The following IRGM variants were observed in gnomAD, a reference collection of about 807,000 sequenced individuals.
The protein encoded by IRGM is immunity related GTPase M.
For synonymous variants in IRGM, 98 were observed against 80.6 expected (o/e 1.22, Z -1.16); for missense variants, 288 against 219.9 (o/e 1.31, Z -1.96).
downstream of IRGM, among the ~76,000 whole-genome samples, chr5:150,850,809 G>T (rs1265197730): frequency 1.3e-5 from 2 of 152,118 alleles, no homozygotes; most frequent in African/African-American, 4.8e-5. Context: ...TAGTGAGAGC[G>T]AGCCATGAGT....
intron 1 of IRGM, among the ~76,000 whole-genome samples, chr5:150,869,342 G>A (rs983863748): frequency 2.6e-5 from 4 of 152,084 alleles, no homozygotes; most frequent in East Asian, 1.9e-4. Flanking sequence ...TTTGATCATG[G>A]TGGATTATCT....
At chr5:150,879,093 A>G (rs987614697) in intron 2 of IRGM, among the ~76,000 whole-genome samples, 11 of 152,214 alleles carry the variant, frequency 7.2e-5, no homozygotes, top group African/African-American at 1.9e-4. Context: ...AAAAATGTTC[A>G]TATCAGTAAG....
At position 150,848,595 on chromosome 5, in the gene IRGM, C is replaced by T. The variant is rs1225361140; in HGVS notation, c.472C>T (p.Pro158Ser). The T allele has an allele frequency of 1.3e-6, 2 of 1,551,304 alleles. No individual in the cohort carries two copies. Among genetic ancestry groups the T allele is most frequent in the African/African-American group, 2.7e-5 (2 of 73,052 alleles). The change falls in exon 2 of 2, where the codon CCA becomes TCA. Residue 158 changes from proline to serine, a missense_variant. By Grantham distance (74) the Pro-to-Ser change is moderately conservative. Coordinates refer to ENST00000522154, the MANE Select transcript of IRGM (RefSeq NM_001145805.2). ...CATGGACCTCAGCACAGGTGCCCTC[C>T]CAGAAGTGCAGCTACTGCAGATCAG... ...LDMDLSTGALPEVQLLQIREN... is the reference protein window; with the variant it reads ...LDMDLSTGALSEVQLLQIREN...
At position 150,847,011 on chromosome 5, in the gene IRGM, T is replaced by C. The variant is rs1753873801; in HGVS notation, c.-625T>C. 1 of 152,282 alleles carries C rather than the reference T, an allele frequency of 6.6e-6. No homozygotes were observed. Among genetic ancestry groups the C allele is most frequent in the South Asian group, 2.1e-4 (1 of 4,808 alleles). The allele number at this position is 152,282 out of a possible 1,614,324, so 9.4% of individuals were successfully genotyped here. Reference sequence around the variant, plus strand: ...CCTTGTGGAACCTGCAAGAGCCAGGTTTGGCGAATGCAATGATAAGCAATT... The same window carrying C: ...CCTTGTGGAACCTGCAAGAGCCAGGCTTGGCGAATGCAATGATAAGCAATT... On this transcript the variant is annotated 5_prime_UTR_variant, in exon 1 of 2. Transcript: ENST00000522154.
intron 2 of IRGM, chr5:150,878,234 A>G (rs1754393991): frequency 6.0e-6 from 2 of 331,444 alleles, no homozygotes; most frequent in African/African-American, 2.2e-5. Flanking sequence ...GAGTACAAAT[A>G]GTGATCCCAA....
At chr5:150,895,435 C>A in intron 3 of IRGM, 1 of 1,599,844 alleles carries the variant, frequency 6.3e-7, no homozygotes, top group Non-Finnish European at 8.5e-7. Context: ...TATGATTTTA[C>A]CACTGTGTGA....
At chr5:150,876,962 A>C (rs1754373860) in intron 1 of IRGM, among the ~76,000 whole-genome samples, 1 of 141,508 alleles carries the variant, frequency 7.1e-6, no homozygotes, top group Non-Finnish European at 1.5e-5. Context: ...TTCATCATAT[A>C]AGATTTATTG....
At chr5:150,859,410 A>C (rs9799903) in intron 1 of IRGM, among the ~76,000 whole-genome samples, 31,996 of 152,074 alleles carry the variant, frequency 0.21, 4,475 homozygotes, top group East Asian at 0.61. Flanking sequence ...TGTCTCTGCC[A>C]GGCTTTGGTA....
intron 1 of IRGM, among the ~76,000 whole-genome samples, chr5:150,855,192 T>C (rs1003834709): frequency 2.6e-5 from 4 of 152,222 alleles, no homozygotes; most frequent in Non-Finnish European, 5.9e-5. Flanking sequence ...ATTCTCCTAC[T>C]TGGTGTAGCT....
At chr5:150,859,725 A>G (rs62380621) in intron 1 of IRGM, among the ~76,000 whole-genome samples, 1 of 151,996 alleles carries the variant, frequency 6.6e-6, no homozygotes, top group African/African-American at 2.4e-5. Flanking sequence ...AGAGGTGTTT[A>G]TAGTATTCTC....
At chr5:150,861,272 T>G (rs1442507056) in intron 1 of IRGM, among the ~76,000 whole-genome samples, 9 of 152,100 alleles carry the variant, frequency 5.9e-5, no homozygotes, top group Admixed American at 5.9e-4. Flanking sequence ...ATGTAGCCTC[T>G]CCAAGTGGCT....
chr5:150,878,079 C>T (rs894043381), exon 2 of IRGM: 1 of 461,128 alleles, frequency 2.2e-6, no homozygotes, highest in Non-Finnish European at 4.3e-6. Context: ...TACAGATCAG[C>T]TCCGCAAGCC....
At chr5:150,894,093 G>C (rs985591709) in intron 3 of IRGM, among the ~76,000 whole-genome samples, 1 of 152,016 alleles carries the variant, frequency 6.6e-6, no homozygotes, top group Non-Finnish European at 1.5e-5. Flanking sequence ...AGCAGGAAGG[G>C]GATCAAGTGG....
intron 3 of IRGM, among the ~76,000 whole-genome samples, chr5:150,892,154 A>G (rs1036335385): frequency 6.6e-6 from 1 of 152,216 alleles, no homozygotes; most frequent in East Asian, 1.9e-4. Context: ...ACACTAAAAC[A>G]TAAGGATTAA....
At chr5:150,901,623 T>C (rs1470349731), downstream of IRGM, among the ~76,000 whole-genome samples, 5 of 152,122 alleles carry the variant, frequency 3.3e-5, no homozygotes, top group Admixed American at 3.3e-4. Context: ...TTTCAAGATT[T>C]CACAACGATA....
intron 1 of IRGM, among the ~76,000 whole-genome samples, chr5:150,858,962 T>C (rs1306130698): frequency 6.6e-6 from 1 of 152,158 alleles, no homozygotes; most frequent in Non-Finnish European, 1.5e-5. Flanking sequence ...TCCAACACTA[T>C]GTTGAATAGG....
chr5:150,877,553 C>T (rs906850451), intron 1 of IRGM, among the ~76,000 whole-genome samples: 7 of 152,208 alleles, frequency 4.6e-5, no homozygotes, highest in African/African-American at 1.7e-4. Context: ...AATGAACTCC[C>T]CTTTATATAT....
downstream of IRGM, chr5:150,848,814 T>A: frequency 1.6e-6 from 1 of 642,342 alleles, no homozygotes; most frequent in South Asian, 2.1e-5. Context: ...TGTTGTTCTT[T>A]GAGATCTTTT....
intron 3 of IRGM, among the ~76,000 whole-genome samples, chr5:150,891,730 A>G (rs74405939): frequency 0.038 from 5,835 of 152,102 alleles, 178 homozygotes; most frequent in East Asian, 0.16. Context: ...ATTTTGGCCT[A>G]TCTCTGGCAG....
Sources: allele counts gnomAD v4.1 joint callset (sites outside exome capture counted in the v4.1 genomes callset), GRCh38; gene constraint gnomAD v4.1.1; transcripts MANE v1.5; gene names NCBI Gene and HGNC (gene_info 2026-07-23, HGNC 2026-07-21).